NSF: variants seen among roughly 807,000 people sequenced by gnomAD.
The protein encoded by NSF is N-ethylmaleimide sensitive factor, vesicle fusing ATPase, also known as vesicle-fusing ATPase.
NSF carries 14 observed loss-of-function variants against 50.3 expected under a neutral mutation model. That is an observed-to-expected ratio of 0.28 (90% CI 0.18 to 0.44). The LOEUF (loss-of-function observed/expected upper bound fraction) is 0.44, where lower values mean the gene tolerates loss of function less well. Among genes scored for constraint, NSF ranks in the 20% least tolerant of loss-of-function variants. NSF has a pLI of 1.00. For missense variants in NSF, 218 were observed against 504.3 expected, an observed-to-expected ratio of 0.43 and a Z score of 5.44; for synonymous variants, 109 against 175.7, an observed-to-expected ratio of 0.62 and a Z score of 3.00.
chr17:46,721,422 T>C (rs2058829795), intron 15 of NSF, among the ~76,000 whole-genome samples: 1 of 152,210 alleles, frequency 6.6e-6, no homozygotes, highest in East Asian at 1.9e-4. Flanking sequence ...GTTTTTTCTT[T>C]AGCCTTCTCT....
chr17:46,753,133 C>A (rs1159194546), intron 19 of NSF, among the ~76,000 whole-genome samples: 8 of 152,126 alleles, frequency 5.3e-5, no homozygotes, highest in Non-Finnish European at 1.0e-4. Context: ...GACAGAGTGG[C>A]TGTATTCTAG....
chr17:46,605,995 C>CAAA lies in NSF; in HGVS notation c.12+15240_12+15242dup, dbSNP rs59118188. Among the ~76,000 whole-genome samples the CAAA allele has an allele frequency of 1.4e-3, 69 of 51,050 alleles. 1 individual carries two copies. The highest frequency in any genetic ancestry group is 4.6e-3 in the African/African-American group (45 of 9,706). The allele number at this position is 51,050 out of a possible 152,430, so 33.5% of individuals were successfully genotyped here. ...AGAAACCTCGTCTCTACTAAAAATA[C>CAAA]AAAAAAAAAAAAAAAAAAAAAAAAA... On this transcript the variant is annotated intron_variant, in intron 1 of 20. Coordinates refer to ENST00000398238, the MANE Select transcript of NSF (RefSeq NM_006178.4).
chr17:46,713,348 A>G (rs1284609644), intron 14 of NSF: 1 of 153,502 alleles, frequency 6.5e-6, no homozygotes, highest in Non-Finnish European at 1.4e-5. Flanking sequence ...GAAGGCAGGG[A>G]TGTCTAAATG....
At chr17:46,738,039 TC>T (rs931745922) in intron 17 of NSF, among the ~76,000 whole-genome samples, 4 of 151,812 alleles carry the variant, frequency 2.6e-5, no homozygotes, top group African/African-American at 9.7e-5. Context: ...GCTCAATTGA[TC>T]CTCCCGCCTC....
chr17:46,711,273 G>T (rs1225637112), intron 14 of NSF, among the ~76,000 whole-genome samples, 154 bp downstream of exon 14: 1 of 152,170 alleles, frequency 6.6e-6, no homozygotes, highest in Non-Finnish European at 1.5e-5. Context: ...TACCAATATT[G>T]TGTACAAATT....
At position 46,716,585 on chromosome 17, in the gene NSF, A is replaced by G. The variant is rs991947244; in HGVS notation, c.1761+2599A>G. Among the ~76,000 whole-genome samples, 5 of 152,252 alleles carry G rather than the reference A, an allele frequency of 3.3e-5. No individual in the cohort carries two copies. In the South Asian group the frequency reaches 1.0e-3, roughly 32 times the overall value. On this transcript the variant is annotated intron_variant, in intron 15 of 20. Transcript: ENST00000398238. ...ACCTCCATTTTTAGTGTGAGGATGG[A>G]AAGAAGATGTTTTAATTTTTTTTCA...
chr17:46,721,842 G>T (rs1382492936), intron 15 of NSF: 11 of 1,587,862 alleles, frequency 6.9e-6, no homozygotes, highest in Middle Eastern at 1.7e-4. Context: ...TTTTTTGTAC[G>T]GCTTTTTCGA....
intron 15 of NSF, among the ~76,000 whole-genome samples, chr17:46,715,174 T>G (rs866449682): frequency 7.2e-5 from 11 of 152,298 alleles, no homozygotes; most frequent in South Asian, 2.1e-4. Context: ...TAAAAATGTT[T>G]GAAATTGAGT....
Position 46,635,777 on chromosome 17 carries a change from A to ATGTATGTGTG in NSF, c.239-1596_239-1595insATGTGTGTGT, listed in dbSNP as rs1555669096. 1.3e-4 allele frequency among the ~76,000 whole-genome samples: 15 copies of ATGTATGTGTG among 116,796 alleles called. 1 individual carries two copies. Among genetic ancestry groups the ATGTATGTGTG allele is most frequent in the Non-Finnish European group, 2.5e-4 (13 of 52,836 alleles). 76.6% of individuals were successfully genotyped at this position (116,796 alleles called of 152,430 possible). On this transcript the variant is annotated intron_variant, in intron 4 of 20. Transcript: ENST00000398238. ...TTCAGGGAACCTAAAGGGAAAATAAATGTGTGTGTGTGTGTGTGTGTGTGT... is the reference window on the plus strand; with the variant it reads ...TTCAGGGAACCTAAAGGGAAAATAAATGTATGTGTGTGTGTGTGTGTGTGTGTGTGTGTGT...
chr17:46,726,436 G>A, intron 15 of NSF, 113 bp from the exon 16 acceptor site: 1 of 919,954 alleles, frequency 1.1e-6, no homozygotes, highest in Middle Eastern at 2.1e-4. Flanking sequence ...AGTCCAAAGT[G>A]TTGGTGTTTT....
chr17:46,722,135 G>A, intron 15 of NSF: 1 of 1,611,810 alleles, frequency 6.2e-7, no homozygotes, highest in Middle Eastern at 2.3e-4. Flanking sequence ...TCTCGCCATT[G>A]GGCTTCACGA....
chr17:46,671,959 A>G (rs1392568875), intron 8 of NSF, among the ~76,000 whole-genome samples: 1 of 142,542 alleles, frequency 7.0e-6, no homozygotes, highest in Non-Finnish European at 1.6e-5. Context: ...AGAGCTTCAA[A>G]TAATTTTTTA....
At chr17:46,684,411 A>G (rs1051700043) in intron 9 of NSF, among the ~76,000 whole-genome samples, 20 of 151,776 alleles carry the variant, frequency 1.3e-4, no homozygotes, top group Non-Finnish European at 2.1e-4. Context: ...TATTGTGAAC[A>G]GTGCCTCAAT....
intron 13 of NSF, among the ~76,000 whole-genome samples, chr17:46,710,158 T>C (rs912830970): frequency 1.3e-5 from 2 of 152,184 alleles, no homozygotes; most frequent in African/African-American, 2.4e-5. Flanking sequence ...AGATACATGA[T>C]CTTTACATGT....
chr17:46,712,282 A>G (rs956391850), intron 14 of NSF, among the ~76,000 whole-genome samples: 1 of 152,154 alleles, frequency 6.6e-6, no homozygotes, highest in African/African-American at 2.4e-5. Flanking sequence ...AGCCCTTGCT[A>G]TTTGCCAGTC....
At position 46,756,806 on chromosome 17, in the gene NSF, T is replaced by C. The variant is rs2059238922; in HGVS notation, c.*983T>C. The C allele has an allele frequency of 6.5e-6, 1 of 152,690 alleles. No individual in the cohort carries two copies. Among genetic ancestry groups the C allele is most frequent in the Non-Finnish European group, 1.5e-5 (1 of 68,058 alleles). The allele number at this position is 152,690 out of a possible 1,614,324, so 9.5% of individuals were successfully genotyped here. Reference sequence around the variant, plus strand: ...TTCTCCAGAAAAATCAATCATTTTCTAGCCCTCTCCCTCAGTCCTTTATTG... The same window carrying C: ...TTCTCCAGAAAAATCAATCATTTTCCAGCCCTCTCCCTCAGTCCTTTATTG... On this transcript the variant is annotated 3_prime_UTR_variant, in exon 21 of 21. Coordinates refer to ENST00000398238, the MANE Select transcript of NSF (RefSeq NM_006178.4).
intron 1 of NSF, among the ~76,000 whole-genome samples, chr17:46,605,995 C>CAAAAAAAAAAA (rs59118188): frequency 9.8e-5 from 5 of 51,052 alleles, no homozygotes; most frequent in African/African-American, 2.1e-4. Context: ...ACTAAAAATA[C>CAAAAAAAAAAA]AAAAAAAAAA....
chr17:46,708,491 C>CTTT (rs140361958), intron 13 of NSF, among the ~76,000 whole-genome samples: 7 of 124,846 alleles, frequency 5.6e-5, no homozygotes, highest in Non-Finnish European at 6.5e-5. Flanking sequence ...GTTACATATC[C>CTTT]TTTTTTTTTT....
intron 17 of NSF, 38 bp downstream of exon 17, chr17:46,728,972 G>T: frequency 8.1e-7 from 1 of 1,231,978 alleles, no homozygotes; most frequent in Non-Finnish European, 1.2e-6. Flanking sequence ...TTTTAACAAA[G>T]AGTTTTTCAG....
Sources: allele counts gnomAD v4.1 joint callset (sites outside exome capture counted in the v4.1 genomes callset), GRCh38; gene constraint gnomAD v4.1.1; transcripts MANE v1.5; gene names NCBI Gene and HGNC (gene_info 2026-07-23, HGNC 2026-07-21).